The following ZNF345 variants were observed in gnomAD, a reference collection of about 807,000 sequenced individuals.
ZNF345 encodes the protein zinc finger protein 345.
For synonymous variants in ZNF345, 166 were observed against 187.9 expected (o/e 0.88, Z 0.95); for missense variants, 527 against 589.9 (o/e 0.89, Z 1.10).
At chr19:36,891,872 G>A (rs765647992) in intron 3 of ZNF345, 2 of 1,613,760 alleles carry the variant, frequency 1.2e-6, no homozygotes, top group Non-Finnish European at 1.7e-6. Flanking sequence ...CTTGAGTGTT[G>A]AGTAAAGGCT....
exon 4 of ZNF345, chr19:36,892,913 G>A: frequency 1.8e-6 from 2 of 1,107,444 alleles, no homozygotes; most frequent in Non-Finnish European, 2.3e-6. Flanking sequence ...GCCCAGGCAG[G>A]GGTTAAGCTG....
chr19:36,888,122 C>A (rs575694530), intron 3 of ZNF345: 1 of 151,952 alleles, frequency 6.6e-6, no homozygotes, highest in Non-Finnish European at 1.5e-5. Context: ...TGACCAACAA[C>A]GTGATGGTGA....
intron 2 of ZNF345, among the ~76,000 whole-genome samples, chr19:36,873,744 C>T (rs180981622): frequency 3.0e-4 from 45 of 149,930 alleles, no homozygotes; most frequent in African/African-American, 1.1e-3. Context: ...TATTTCTCTT[C>T]GTCTCCCTTA....
At chr19:36,888,052 A>AAT (rs2073013675) in intron 3 of ZNF345, 1 of 152,202 alleles carries the variant, frequency 6.6e-6, no homozygotes, top group South Asian at 2.1e-4. Context: ...CACTAACCTT[A>AAT]ATATATAAAG....
chr19:36,857,091 G>T (rs1048594427), intron 2 of ZNF345, among the ~76,000 whole-genome samples: 1 of 151,928 alleles, frequency 6.6e-6, no homozygotes, highest in Non-Finnish European at 1.5e-5. Context: ...CATATCAACA[G>T]CTGTCCATGT....
At chr19:36,891,496 C>T in intron 3 of ZNF345, 1 of 1,544,654 alleles carries the variant, frequency 6.5e-7, no homozygotes, top group Non-Finnish European at 8.7e-7. Context: ...TGTCATTCAA[C>T]CAGTATGAAT....
At chr19:36,891,771 A>G in intron 3 of ZNF345, 1 of 1,614,180 alleles carries the variant, frequency 6.2e-7, no homozygotes, top group Non-Finnish European at 8.5e-7. Flanking sequence ...TGTGATGGTT[A>G]GTAAGTGTTG....
exon 4 of ZNF345, chr19:36,892,980 C>T (rs935390613): frequency 1.6e-5 from 7 of 434,626 alleles, no homozygotes; most frequent in Admixed American, 4.3e-5. Flanking sequence ...AGGGCATGCA[C>T]CATGCGTGAG....
chr19:36,857,640 G>C (rs2146133641), intron 2 of ZNF345, among the ~76,000 whole-genome samples: 1 of 152,058 alleles, frequency 6.6e-6, no homozygotes, highest in South Asian at 2.1e-4. Context: ...TTTCATATTG[G>C]CTTGATCACT....
At chr19:36,864,454 G>T (rs2072617196) in intron 2 of ZNF345, among the ~76,000 whole-genome samples, 1 of 152,106 alleles carries the variant, frequency 6.6e-6, no homozygotes, top group Admixed American at 6.5e-5. Context: ...GTTTGAGGCT[G>T]CAGTGAGCTA....
intron 2 of ZNF345, among the ~76,000 whole-genome samples, chr19:36,854,033 G>T (rs2072348613): frequency 6.6e-6 from 1 of 152,020 alleles, no homozygotes. Flanking sequence ...AGACAATGGG[G>T]GACTCTTCTA....
At chr19:36,876,733 A>G in intron 2 of ZNF345, 52 bp from the exon 3 acceptor site, 1 of 1,239,136 alleles carries the variant, frequency 8.1e-7, no homozygotes, top group Non-Finnish European at 1.1e-6. Context: ...TAAACGTTTA[A>G]TCTCTCCCAG....
At chr19:36,874,951 A>G (rs2072852632) in intron 2 of ZNF345, among the ~76,000 whole-genome samples, 1 of 152,118 alleles carries the variant, frequency 6.6e-6, no homozygotes, top group Non-Finnish European at 1.5e-5. Flanking sequence ...TTTTTCAGAG[A>G]AATTATGTTG....
chr19:36,892,579 A>G, intron 3 of ZNF345: 1 of 1,225,318 alleles, frequency 8.2e-7, no homozygotes, highest in Non-Finnish European at 1.1e-6. Context: ...GAAATTACAC[A>G]GTTTTCAAAG....
intron 2 of ZNF345, among the ~76,000 whole-genome samples, chr19:36,854,236 T>G (rs530327006): frequency 3.3e-5 from 2 of 60,872 alleles, no homozygotes; most frequent in South Asian, 1.3e-3. Flanking sequence ...CTGGGTTTTG[T>G]TTTTTTTTTT....
intron 2 of ZNF345, among the ~76,000 whole-genome samples, chr19:36,868,130 G>A (rs1253542581): frequency 1.3e-5 from 2 of 151,810 alleles, no homozygotes; most frequent in African/African-American, 2.4e-5. Context: ...AGGCTCCCGA[G>A]TAGCTGGGAT....
intron 2 of ZNF345, among the ~76,000 whole-genome samples, chr19:36,853,353 A>G (rs1365590149): frequency 6.8e-6 from 1 of 147,488 alleles, no homozygotes. Flanking sequence ...GGTTCAAGTG[A>G]TTGTCCTGCC....
chr19:36,881,698 AAC>A (rs1396673500), downstream of ZNF345, among the ~76,000 whole-genome samples: 1 of 152,192 alleles, frequency 6.6e-6, no homozygotes, highest in African/African-American at 2.4e-5. Context: ...AATCATTAAA[AAC>A]AGACTAAAGT....
In ZNF345 at chr19:36,858,504, G is replaced by A. The variant is rs762180606; in HGVS notation, c.-47+6600G>A. On this transcript the variant is annotated intron_variant, in intron 2 of 2. Coordinates refer to ENST00000420450, the MANE Select transcript of ZNF345 (RefSeq NM_001242472.2). ...CAAGAGGCAGGGTGCAGTGGCTCAC[G>A]CCCGTAATCCCAGCACTTTAGGAGG... Among the ~76,000 whole-genome samples, 63 of 152,172 alleles carry A rather than the reference G, an allele frequency of 4.1e-4. 1 individual carries two copies. Among genetic ancestry groups the A allele is most frequent in the Non-Finnish European group, 1.2e-4 (8 of 68,026 alleles).
Sources: allele counts gnomAD v4.1 joint callset (sites outside exome capture counted in the v4.1 genomes callset), GRCh38; gene constraint gnomAD v4.1.1; transcripts MANE v1.5; gene names NCBI Gene and HGNC (gene_info 2026-07-23, HGNC 2026-07-21).